The following ZFP64 variants were observed in gnomAD, a reference collection of about 807,000 sequenced individuals.
ZFP64 encodes ZFP64 zinc finger protein.
Under a neutral mutation model 51.6 loss-of-function variants are expected in ZFP64, and 14 were observed. That is an observed-to-expected ratio of 0.27 (90% CI 0.18 to 0.42). ZFP64 has a LOEUF of 0.42. Ranked by LOEUF, ZFP64 falls within the 10% of genes least tolerant of loss-of-function variation. The probability of loss-of-function intolerance (pLI) is 1.00; values close to 1 mark genes in which losing one functional copy is unlikely to be tolerated. For synonymous variants in ZFP64, 375 were observed against 361.4 expected, an observed-to-expected ratio of 1.04 and a Z score of -0.43; for missense variants, 754 against 906.8, an observed-to-expected ratio of 0.83 and a Z score of 2.16.
intron 5 of ZFP64, among the ~76,000 whole-genome samples, chr20:52,145,723 C>T (rs534210342): frequency 6.6e-6 from 1 of 152,236 alleles, no homozygotes; most frequent in South Asian, 2.1e-4. Flanking sequence ...GGACACTTAT[C>T]ATGAATGGAG....
chr20:52,168,048 T>A (rs973463624), intron 2 of ZFP64, among the ~76,000 whole-genome samples: 1 of 152,220 alleles, frequency 6.6e-6, no homozygotes, highest in Non-Finnish European at 1.5e-5. Context: ...ATTTATCGAA[T>A]GGGCTTTTCC....
intron 2 of ZFP64, among the ~76,000 whole-genome samples, chr20:52,168,143 T>C (rs547379133): frequency 1.3e-5 from 2 of 152,334 alleles, no homozygotes; most frequent in South Asian, 4.1e-4. Flanking sequence ...ATCACTCTGA[T>C]ACACCTCAAA....
chr20:52,139,212 G>A (rs1214731916), intron 5 of ZFP64, among the ~76,000 whole-genome samples: 1 of 152,114 alleles, frequency 6.6e-6, no homozygotes, highest in Non-Finnish European at 1.5e-5. Context: ...GCACGCATAC[G>A]TTCATCGCAG....
chr20:52,126,527 G>T (rs946713967), intron 5 of ZFP64, among the ~76,000 whole-genome samples: 1 of 152,132 alleles, frequency 6.6e-6, no homozygotes, highest in Non-Finnish European at 1.5e-5. Context: ...CACCAGACTA[G>T]GTTGAAAGAT....
At chr20:52,088,154 T>C (rs899885435) in intron 8 of ZFP64, 1 of 594,630 alleles carries the variant, frequency 1.7e-6, no homozygotes, top group Non-Finnish European at 2.9e-6. Flanking sequence ...ATAGTGGGTA[T>C]CTACTCCCAG....
At chr20:52,157,151 A>T (rs954617925) in intron 5 of ZFP64, among the ~76,000 whole-genome samples, 2 of 152,346 alleles carry the variant, frequency 1.3e-5, no homozygotes, top group Non-Finnish European at 2.9e-5. Flanking sequence ...ACTCTTTATT[A>T]AAATCTCCAA....
chr20:52,119,648 C>A (rs1979079711), intron 5 of ZFP64, among the ~76,000 whole-genome samples: 1 of 146,386 alleles, frequency 6.8e-6, no homozygotes, highest in Non-Finnish European at 1.5e-5. Context: ...ACCTGTAGTC[C>A]CAGCTACTCT....
intron 4 of ZFP64, among the ~76,000 whole-genome samples, chr20:52,162,896 AC>A (rs977548589): frequency 2.0e-5 from 3 of 152,208 alleles, no homozygotes; most frequent in Non-Finnish European, 4.4e-5. Context: ...TCTGAAGGTA[AC>A]TAAGGTGAGG....
intron 7 of ZFP64, among the ~76,000 whole-genome samples, chr20:52,095,811 T>C (rs2078982545): frequency 6.6e-6 from 1 of 152,152 alleles, no homozygotes; most frequent in Non-Finnish European, 1.5e-5. Flanking sequence ...AAGGTTGTGT[T>C]GTGAATTTTA....
At chr20:52,109,000 C>T (rs1978405844) in intron 5 of ZFP64, among the ~76,000 whole-genome samples, 1 of 152,066 alleles carries the variant, frequency 6.6e-6, no homozygotes, top group Non-Finnish European at 1.5e-5. Flanking sequence ...TTGCCTATTA[C>T]ACAGGTTGAC....
At chr20:52,110,576 G>A (rs1236332984) in intron 5 of ZFP64, 11 of 716,366 alleles carry the variant, frequency 1.5e-5, no homozygotes, top group South Asian at 4.9e-5. Context: ...TGGTCCTGCC[G>A]CTGCTTCCAG....
chr20:52,155,245 A>G (rs1452305685), intron 5 of ZFP64, among the ~76,000 whole-genome samples: 2 of 152,178 alleles, frequency 1.3e-5, no homozygotes, highest in Non-Finnish European at 2.9e-5. Context: ...TTATGAAGAG[A>G]TTTTTGATTT....
chr20:52,113,462 C>G (rs1978703849), intron 5 of ZFP64, among the ~76,000 whole-genome samples: 1 of 131,654 alleles, frequency 7.6e-6, no homozygotes, highest in Admixed American at 8.5e-5. Context: ...AAGTCTCGCT[C>G]TGGTGCCCTG....
At chr20:52,112,178 C>T (rs1209759613) in intron 5 of ZFP64, among the ~76,000 whole-genome samples, 1 of 151,750 alleles carries the variant, frequency 6.6e-6, no homozygotes, top group Non-Finnish European at 1.5e-5. Flanking sequence ...TGTTCTGTGT[C>T]CCATTTTTCT....
At chr20:52,113,329 G>C (rs1600719394) in intron 5 of ZFP64, among the ~76,000 whole-genome samples, 1 of 129,120 alleles carries the variant, frequency 7.7e-6, no homozygotes, top group Non-Finnish European at 1.7e-5. Flanking sequence ...GCAAGACTCC[G>C]CCTCAAAAAA....
At chr20:52,111,120 G>A (rs561038002) in intron 5 of ZFP64, 5 of 805,224 alleles carry the variant, frequency 6.2e-6, no homozygotes, top group Admixed American at 4.0e-5. Flanking sequence ...AGCGGGGCAC[G>A]GCGGCAGCCA....
At chr20:52,154,703 T>C (rs150215423) in intron 5 of ZFP64, among the ~76,000 whole-genome samples, 1,947 of 152,262 alleles carry the variant, frequency 0.013, 42 homozygotes, top group African/African-American at 0.044. Flanking sequence ...AGATCATGCA[T>C]ACTAAACTCT....
Position 52,191,732 on chromosome 20 carries a change from C to T in ZFP64, c.-96G>A, listed in dbSNP as rs905645586. The T allele has an allele frequency of 7.2e-7, 1 of 1,384,228 alleles. No individual in the cohort carries two copies. The highest frequency in any genetic ancestry group is 2.4e-5 in the Admixed American group (1 of 40,900). 85.7% of individuals were successfully genotyped at this position (1,384,228 alleles called of 1,614,324 possible). The stretch of plus-strand genomic sequence containing the variant: ...GACTTTTCCTTTTATTTTTCCACAC[C>T]CCCCACCCTGCCTTCTCCCAACTCT... On this transcript the variant is annotated 5_prime_UTR_variant, in exon 1 of 6. Transcript: ENST00000216923. The surrounding 1 kb of genome is among the most constrained non-coding windows in gnomAD (Gnocchi z 4.3).
rs1213229363 is a variant in ZFP64 at position 52,084,646 on chromosome 20, G to A, written c.1849C>T (p.Pro617Ser). 6 of 1,614,166 alleles carry A rather than the reference G, an allele frequency of 3.7e-6. No homozygotes were observed. Among genetic ancestry groups the A allele is most frequent in the Admixed American group, 1.7e-5 (1 of 60,034 alleles). Residue 617 changes from proline to serine, a missense_variant, in exon 9 of 9, where the codon CCA becomes TCA. Coordinates refer to the ZFP64 transcript ENST00000361387. ...TGTCCCGAGGCACCGCTTTCCGGTG[G>A]GAAGGTGACCAAGTCTGAGTTCTTG...
Sources: allele counts gnomAD v4.1 joint callset (sites outside exome capture counted in the v4.1 genomes callset), GRCh38; gene constraint gnomAD v4.1.1; non-coding constraint Gnocchi (gnomAD v3.1); transcripts MANE v1.5; gene names NCBI Gene and HGNC (gene_info 2026-07-23, HGNC 2026-07-21).